The following PIK3CB variants were observed in gnomAD, a reference collection of about 807,000 sequenced individuals.
PIK3CB encodes phosphatidylinositol 4,5-bisphosphate 3-kinase catalytic subunit beta isoform.
A neutral mutation model predicts 136.8 loss-of-function variants in PIK3CB; 39 were observed. That is an observed-to-expected ratio of 0.29 (90% CI 0.22 to 0.37). The LOEUF (loss-of-function observed/expected upper bound fraction) is 0.37, where lower values mean the gene tolerates loss of function less well. Among genes scored for constraint, PIK3CB ranks in the 10% least tolerant of loss-of-function variants. The pLI is 1.00. For synonymous variants in PIK3CB, 428 were observed against 436.6 expected (o/e 0.98, Z 0.25); for missense variants, 868 against 1,275.4 (o/e 0.68, Z 4.87).
intron 2 of PIK3CB, among the ~76,000 whole-genome samples, chr3:138,793,605 CAAAA>C (rs764415808): frequency 1.0e-5 from 1 of 95,356 alleles, no homozygotes; most frequent in Non-Finnish European, 2.2e-5. Flanking sequence ...GACTCTGGCT[CAAAA>C]AAAAAAAAAA....
In PIK3CB at chr3:138,819,989, C is replaced by A. The variant is rs553736148; in HGVS notation, c.-122+14706G>T. Among the ~76,000 whole-genome samples the A allele has an allele frequency of 3.3e-5, 5 of 152,268 alleles. No individual in the cohort carries two copies. In the South Asian group the frequency reaches 8.3e-4, roughly 25 times the overall value. ...ACTCTGTCTCGATCAATCAATCAAT[C>A]AATAAAGCCTTCTCAAGTGATTTTG... On this transcript the variant is annotated intron_variant, in intron 1 of 23. Coordinates refer to ENST00000674063, the MANE Select transcript of PIK3CB (RefSeq NM_006219.3).
intron 2 of PIK3CB, chr3:138,778,257 A>C: frequency 2.4e-6 from 1 of 416,068 alleles, no homozygotes; most frequent in Non-Finnish European, 4.7e-6. Flanking sequence ...ACACCTCGCA[A>C]TTCCCAGCAA....
At chr3:138,714,766 C>T (rs980392243) in intron 8 of PIK3CB, 47 bp from the exon 9 acceptor site, 3 of 1,451,062 alleles carry the variant, frequency 2.1e-6, no homozygotes, top group Non-Finnish European at 2.8e-6. Flanking sequence ...GAATACTGTA[C>T]CACGAAAAAC....
At chr3:138,801,875 A>AG (rs1332300354) in intron 1 of PIK3CB, among the ~76,000 whole-genome samples, 1 of 149,596 alleles carries the variant, frequency 6.7e-6, no homozygotes, top group East Asian at 2.0e-4. Context: ...AAAAAAAAAA[A>AG]AAAAAAAGAT....
intron 8 of PIK3CB, among the ~76,000 whole-genome samples, chr3:138,729,565 G>C (rs1442151222): frequency 6.6e-6 from 1 of 152,116 alleles, no homozygotes; most frequent in Admixed American, 6.5e-5. Context: ...CTTCCTGCTT[G>C]ACTGCCTTGT....
chr3:138,744,255 C>T (rs752728036), intron 4 of PIK3CB, among the ~76,000 whole-genome samples: 1 of 151,054 alleles, frequency 6.6e-6, no homozygotes, highest in East Asian at 1.9e-4. Context: ...ATTAGCCAGG[C>T]GTGGTGGTGG....
chr3:138,711,356 G>A (rs989110842), intron 10 of PIK3CB, among the ~76,000 whole-genome samples: 1 of 151,894 alleles, frequency 6.6e-6, no homozygotes. Flanking sequence ...GAGGTGGGCG[G>A]ATCACCTGAG....
intron 5 of PIK3CB, among the ~76,000 whole-genome samples, chr3:138,741,984 T>C (rs1295432807): frequency 6.6e-6 from 1 of 152,226 alleles, no homozygotes; most frequent in Non-Finnish European, 1.5e-5. Flanking sequence ...AACTCTATTA[T>C]AATGCCTACT....
chr3:138,698,704 G>C (rs1337969483), intron 13 of PIK3CB, among the ~76,000 whole-genome samples: 1 of 152,102 alleles, frequency 6.6e-6, no homozygotes, highest in East Asian at 1.9e-4. Flanking sequence ...GAAAGGTATG[G>C]CAATCCTACC....
intron 14 of PIK3CB, among the ~76,000 whole-genome samples, chr3:138,691,758 C>T (rs914211909): frequency 6.7e-6 from 1 of 148,794 alleles, no homozygotes; most frequent in Non-Finnish European, 1.5e-5. Flanking sequence ...AAATGGACTA[C>T]TACAGATTGT....
At chr3:138,800,045 C>T (rs1409028362) in intron 1 of PIK3CB, among the ~76,000 whole-genome samples, 4 of 152,084 alleles carry the variant, frequency 2.6e-5, no homozygotes, top group South Asian at 4.1e-4. Context: ...TTCTCTTCCT[C>T]ACACTTTGTT....
At chr3:138,771,276 G>A (rs965098808) in intron 2 of PIK3CB, among the ~76,000 whole-genome samples, 1 of 146,182 alleles carries the variant, frequency 6.8e-6, no homozygotes, top group Non-Finnish European at 1.5e-5. Context: ...AGGCTGGAGT[G>A]CAGTGGCGCG....
At position 138,726,552 on chromosome 3, in the gene PIK3CB, G is replaced by A. The variant is rs144864669; in HGVS notation, c.1050+6809C>T. Reference sequence around the variant, plus strand: ...TGCCACAATACTGTTCAGAGACCGGGGCAATGCAGAAGAGAAAAAAGAAAC... The same window carrying A: ...TGCCACAATACTGTTCAGAGACCGGAGCAATGCAGAAGAGAAAAAAGAAAC... On this transcript the variant is annotated intron_variant, in intron 8 of 23. Transcript: ENST00000674063. Among the ~76,000 whole-genome samples the A allele has an allele frequency of 3.9e-5, 6 of 152,228 alleles. No homozygotes were observed. In the East Asian group the frequency reaches 1.2e-3, roughly 29 times the overall value.
At position 138,779,178 on chromosome 3, in the gene PIK3CB, T is replaced by C. The variant is rs538207838; in HGVS notation, c.-17+17285A>G. Among the ~76,000 whole-genome samples the C allele has an allele frequency of 3.1e-3, 470 of 150,974 alleles. 2 individuals carry two copies. Among genetic ancestry groups the C allele is most frequent in the African/African-American group, 0.011 (450 of 41,176 alleles). On this transcript the variant is annotated intron_variant, in intron 2 of 23. Transcript: ENST00000674063. ...TCGGCATACTGCAAGCTCTGCCTCC[T>C]GGGTGCACGCCATTCTCCTGCCTCA...
intron 4 of PIK3CB, among the ~76,000 whole-genome samples, chr3:138,745,404 G>T (rs901494741): frequency 6.6e-6 from 1 of 151,150 alleles, no homozygotes; most frequent in Non-Finnish European, 1.5e-5. Context: ...AGGCCAAGGT[G>T]GGGGGATCAC....
At chr3:138,707,472 G>A in intron 10 of PIK3CB, 183 bp from the exon 11 acceptor site, 2 of 1,344,144 alleles carry the variant, frequency 1.5e-6, no homozygotes, top group Non-Finnish European at 9.5e-7. Flanking sequence ...ATTTCAGTGT[G>A]AGTTTGCATA....
chr3:138,805,294 C>G (rs2046220843), intron 1 of PIK3CB, among the ~76,000 whole-genome samples: 1 of 151,888 alleles, frequency 6.6e-6, no homozygotes, highest in Non-Finnish European at 1.5e-5. Flanking sequence ...GATCGTGACA[C>G]TGCACTCCAG....
At chr3:138,745,308 A>G (rs2045331178) in intron 4 of PIK3CB, among the ~76,000 whole-genome samples, 1 of 152,104 alleles carries the variant, frequency 6.6e-6, no homozygotes. Context: ...GGCATCATCC[A>G]ATATCAAAAG....
chr3:138,748,500 T>C (rs1168166798), intron 4 of PIK3CB, among the ~76,000 whole-genome samples: 2 of 152,210 alleles, frequency 1.3e-5, no homozygotes, highest in East Asian at 3.8e-4. Context: ...TCTTTGTTTA[T>C]TTCTACAAAC....
Sources: allele counts gnomAD v4.1 joint callset (sites outside exome capture counted in the v4.1 genomes callset), GRCh38; gene constraint gnomAD v4.1.1; transcripts MANE v1.5; gene names NCBI Gene and HGNC (gene_info 2026-07-23, HGNC 2026-07-21).